GPC5: variants seen among roughly 807,000 people sequenced by gnomAD.
GPC5 encodes the protein glypican-5.
A neutral mutation model predicts 53.9 loss-of-function variants in GPC5; 47 were observed. The ratio of observed to expected loss-of-function variants is 0.87; its 90% CI spans 0.69 to 1.11. The LOEUF is 1.11. Ranked by LOEUF, GPC5 falls within the 50% of genes most tolerant of loss-of-function variation. The probability of loss-of-function intolerance (pLI) is 0.00; values close to 1 mark genes in which losing one functional copy is unlikely to be tolerated. For missense variants in GPC5, 748 were observed against 713.1 expected (o/e 1.05, Z -0.56); for synonymous variants, 286 against 263.3 (o/e 1.09, Z -0.84).
chr13:91,950,064 C>T (rs1403411000), intron 6 of GPC5, among the ~76,000 whole-genome samples: 4 of 152,046 alleles, frequency 2.6e-5, no homozygotes, highest in Non-Finnish European at 4.4e-5. Flanking sequence ...GAGGGAACAG[C>T]CTATCTACAG....
intron 2 of GPC5, among the ~76,000 whole-genome samples, chr13:91,625,037 TAGAA>T (rs1460819477): frequency 2.0e-5 from 3 of 151,200 alleles, no homozygotes; most frequent in African/African-American, 7.3e-5. Context: ...AAAAGTGAAA[TAGAA>T]AGGATTAAAA....
chr13:92,641,868 C>A (rs149920695), intron 7 of GPC5, among the ~76,000 whole-genome samples: 412 of 152,256 alleles, frequency 2.7e-3, no homozygotes, highest in African/African-American at 9.5e-3. Flanking sequence ...ACTTCTCTTT[C>A]ATCTGGACAT....
intron 7 of GPC5, among the ~76,000 whole-genome samples, chr13:92,477,264 C>A (rs1272911216): frequency 2.0e-5 from 3 of 151,800 alleles, no homozygotes; most frequent in Non-Finnish European, 4.4e-5. Flanking sequence ...TGTTCACATC[C>A]CTTGTTAAAG....
At chr13:92,790,506 T>G (rs1477693874) in intron 7 of GPC5, among the ~76,000 whole-genome samples, 1 of 152,124 alleles carries the variant, frequency 6.6e-6, no homozygotes, top group East Asian at 1.9e-4. Context: ...TAAAATTGTT[T>G]GTTTTTGTTA....
intron 7 of GPC5, among the ~76,000 whole-genome samples, chr13:92,407,801 G>A (rs770590395): frequency 1.2e-4 from 18 of 152,054 alleles, no homozygotes; most frequent in Admixed American, 2.6e-4. Context: ...TATTTGATTA[G>A]TCTGATTTTA....
chr13:91,953,209 G>A (rs941700328), intron 6 of GPC5, among the ~76,000 whole-genome samples: 3 of 152,102 alleles, frequency 2.0e-5, no homozygotes, highest in Non-Finnish European at 4.4e-5. Flanking sequence ...AAGGTCATTG[G>A]CTAATTTTGC....
At chr13:92,635,178 T>C (rs1388002336) in intron 7 of GPC5, among the ~76,000 whole-genome samples, 3 of 152,188 alleles carry the variant, frequency 2.0e-5, no homozygotes, top group African/African-American at 7.2e-5. Context: ...TATGTATATA[T>C]GTGTATATAC....
chr13:92,702,911 T>C (rs1234208001), intron 7 of GPC5, among the ~76,000 whole-genome samples: 2 of 151,966 alleles, frequency 1.3e-5, no homozygotes, highest in Admixed American at 6.6e-5. Context: ...CAACCCGGCA[T>C]ATTCCACTTC....
chr13:92,693,927 T>C (rs976965780), intron 7 of GPC5, among the ~76,000 whole-genome samples: 1 of 151,946 alleles, frequency 6.6e-6, no homozygotes. Flanking sequence ...AAGGGAAAAA[T>C]GATTTCATGG....
chr13:91,813,566 A>G (rs1027525876), intron 5 of GPC5, among the ~76,000 whole-genome samples: 3 of 152,218 alleles, frequency 2.0e-5, no homozygotes, highest in Non-Finnish European at 4.4e-5. Flanking sequence ...AGCAGAAACC[A>G]GGATGATCAA....
chr13:91,466,671 T>C (rs1882259179), intron 2 of GPC5, among the ~76,000 whole-genome samples: 1 of 151,966 alleles, frequency 6.6e-6, no homozygotes. Context: ...AGGAGAAAGA[T>C]TCTAAGTATA....
At chr13:91,629,874 A>G (rs2139418003) in intron 2 of GPC5, among the ~76,000 whole-genome samples, 1 of 152,300 alleles carries the variant, frequency 6.6e-6, no homozygotes, top group East Asian at 1.9e-4. Flanking sequence ...AATCCTGTGC[A>G]GTGAACCAGA....
At chr13:92,094,799 T>C (rs1363825009) in intron 6 of GPC5, among the ~76,000 whole-genome samples, 1 of 151,512 alleles carries the variant, frequency 6.6e-6, no homozygotes, top group African/African-American at 2.4e-5. Context: ...ATTCCAATTC[T>C]TTTGTTCACA....
At chr13:91,971,661 T>C (rs1287523464) in intron 6 of GPC5, among the ~76,000 whole-genome samples, 1 of 152,182 alleles carries the variant, frequency 6.6e-6, no homozygotes, top group Non-Finnish European at 1.5e-5. Flanking sequence ...TTCTGGTATG[T>C]TGTGTCTTTG....
intron 2 of GPC5, among the ~76,000 whole-genome samples, chr13:91,524,003 A>AT (rs1566475130): frequency 6.6e-6 from 1 of 151,948 alleles, no homozygotes; most frequent in Non-Finnish European, 1.5e-5. Context: ...TATTATCCTA[A>AT]TTTTTTGTAA....
chr13:92,664,777 G>A (rs952347457), intron 7 of GPC5, among the ~76,000 whole-genome samples: 1 of 151,996 alleles, frequency 6.6e-6, no homozygotes, highest in East Asian at 1.9e-4. Context: ...CAAATATCTG[G>A]CAGATTAAAA....
At chr13:92,367,062 A>G (rs2043612799) in intron 7 of GPC5, among the ~76,000 whole-genome samples, 1 of 152,196 alleles carries the variant, frequency 6.6e-6, no homozygotes, top group Non-Finnish European at 1.5e-5. Context: ...TATGTTAACC[A>G]TCTATTCAAT....
At chr13:91,441,251 T>A (rs1880400460) in intron 1 of GPC5, among the ~76,000 whole-genome samples, 1 of 152,212 alleles carries the variant, frequency 6.6e-6, no homozygotes, top group African/African-American at 2.4e-5. Flanking sequence ...CCTTTTTGTT[T>A]TTTGGACATG....
intron 7 of GPC5, among the ~76,000 whole-genome samples, chr13:92,595,723 G>C (rs1009714151): frequency 8.1e-5 from 11 of 136,622 alleles, no homozygotes; most frequent in African/African-American, 2.7e-4. Context: ...AGCAGAGATC[G>C]CGCCACTGCA....
Sources: allele counts gnomAD v4.1 joint callset (sites outside exome capture counted in the v4.1 genomes callset), GRCh38; gene constraint gnomAD v4.1.1; transcripts MANE v1.5; gene names NCBI Gene and HGNC (gene_info 2026-07-23, HGNC 2026-07-21).